PREP: variants seen among roughly 807,000 people sequenced by gnomAD.
PREP encodes dJ355L5.1 (prolyl endopeptidase).
In PREP, 29 loss-of-function variants were observed where a neutral mutation model predicts 87.6. That is an observed-to-expected ratio of 0.33 (90% confidence interval 0.25 to 0.45). The LOEUF (loss-of-function observed/expected upper bound fraction) is 0.45. PREP is among the 20% of genes least tolerant of loss of function. PREP has a pLI of 1.00. For synonymous variants in PREP, 337 were observed against 328.6 expected (o/e 1.03, Z -0.28); for missense variants, 695 against 886.5 (o/e 0.78, Z 2.74).
chr6:105,369,640 T>C (rs1263206058), intron 5 of PREP, among the ~76,000 whole-genome samples: 2 of 152,192 alleles, frequency 1.3e-5, no homozygotes, highest in African/African-American at 2.4e-5. Context: ...GAGAGCCTAG[T>C]AGCCTTTTTA....
chr6:105,355,360 G>A (rs1047941768), intron 6 of PREP, among the ~76,000 whole-genome samples: 3 of 151,982 alleles, frequency 2.0e-5, no homozygotes, highest in African/African-American at 4.8e-5. Flanking sequence ...GTGCCACTGC[G>A]CCCAGCCAAG....
chr6:105,283,047 G>C (rs1408582941), intron 12 of PREP, among the ~76,000 whole-genome samples: 1 of 152,234 alleles, frequency 6.6e-6, no homozygotes, highest in African/African-American at 2.4e-5. Context: ...GAAGACGGAG[G>C]TGGAAGCGCT....
At chr6:105,398,685 G>A (rs568593553) in intron 1 of PREP, among the ~76,000 whole-genome samples, 2 of 152,230 alleles carry the variant, frequency 1.3e-5, no homozygotes, top group South Asian at 2.1e-4. Context: ...CCTGGCCTTA[G>A]AAGCCACTTG....
chr6:105,298,473 G>T, intron 10 of PREP: 2 of 153,828 alleles, frequency 1.3e-5, no homozygotes, highest in South Asian at 4.0e-4. Context: ...TGCCAGCAAA[G>T]GGGAGGTCCC....
At chr6:105,395,931 C>A (rs559119882) in intron 2 of PREP, among the ~76,000 whole-genome samples, 1 of 152,330 alleles carries the variant, frequency 6.6e-6, no homozygotes, top group Non-Finnish European at 1.5e-5. Context: ...ATGTGACTCT[C>A]CACTCCCAGA....
chr6:105,378,019 C>G (rs1484572636), intron 2 of PREP, among the ~76,000 whole-genome samples: 1 of 152,204 alleles, frequency 6.6e-6, no homozygotes, highest in African/African-American at 2.4e-5. Flanking sequence ...TATTCAGCAC[C>G]TGGCCATCCC....
intron 10 of PREP, among the ~76,000 whole-genome samples, chr6:105,314,948 C>T (rs983357377): frequency 6.6e-6 from 1 of 152,150 alleles, no homozygotes; most frequent in Non-Finnish European, 1.5e-5. Flanking sequence ...GGTATAAACA[C>T]AACATTCATC....
At chr6:105,392,171 T>C (rs1430763539) in intron 2 of PREP, among the ~76,000 whole-genome samples, 1 of 150,114 alleles carries the variant, frequency 6.7e-6, no homozygotes, top group Non-Finnish European at 1.5e-5. Context: ...CAGCCTTCCC[T>C]GGGACCACAG....
chr6:105,336,690 G>C (rs970690071), intron 7 of PREP, among the ~76,000 whole-genome samples: 7 of 152,118 alleles, frequency 4.6e-5, no homozygotes, highest in Non-Finnish European at 8.8e-5. Flanking sequence ...TTTCTCATTA[G>C]CTATGTGATG....
chr6:105,315,503 T>C (rs1015961549), intron 10 of PREP, among the ~76,000 whole-genome samples: 1 of 152,076 alleles, frequency 6.6e-6, no homozygotes, highest in Non-Finnish European at 1.5e-5. Context: ...CCCTAGGATT[T>C]TAAGAATGGT....
At chr6:105,400,685 G>C (rs952352765) in intron 1 of PREP, among the ~76,000 whole-genome samples, 2 of 152,128 alleles carry the variant, frequency 1.3e-5, no homozygotes, top group East Asian at 1.9e-4. Context: ...TTTCCTGATA[G>C]CAACTCTCTT....
intron 6 of PREP, 38 bp from the exon 7 acceptor site, chr6:105,353,115 G>C (rs1413436568): frequency 1.0e-5 from 15 of 1,474,508 alleles, no homozygotes; most frequent in Non-Finnish European, 1.3e-5. Flanking sequence ...GGACTAATTA[G>C]AATTTATTTT....
At chr6:105,316,638 T>G (rs1397235072) in intron 10 of PREP, among the ~76,000 whole-genome samples, 1 of 152,176 alleles carries the variant, frequency 6.6e-6, no homozygotes, top group East Asian at 1.9e-4. Flanking sequence ...TATGCCTGTA[T>G]GACATAAATA....
chr6:105,360,424 G>A lies in PREP; in HGVS notation c.718-7347C>T, dbSNP rs183536824. Among the ~76,000 whole-genome samples, 622 of 152,262 alleles carry A rather than the reference G, an allele frequency of 4.1e-3. 11 individuals carry two copies. Among genetic ancestry groups the A allele is most frequent in the Admixed American group, 0.036 (557 of 15,300 alleles). On this transcript the variant is annotated intron_variant, in intron 6 of 14. Transcript: ENST00000652536. ...AGTCTTGGCTTCTACTTTTGAAGACGAAACCCAGTAACAGCTATCATTCTA... is the reference window on the plus strand; with the variant it reads ...AGTCTTGGCTTCTACTTTTGAAGACAAAACCCAGTAACAGCTATCATTCTA...
At chr6:105,337,137 G>C (rs1337672394) in intron 7 of PREP, among the ~76,000 whole-genome samples, 1 of 152,108 alleles carries the variant, frequency 6.6e-6, no homozygotes, top group African/African-American at 2.4e-5. Flanking sequence ...CTAGGAATCT[G>C]ATCATTTGAC....
At chr6:105,340,329 G>C (rs1230748349) in intron 7 of PREP, among the ~76,000 whole-genome samples, 1 of 152,124 alleles carries the variant, frequency 6.6e-6, no homozygotes, top group African/African-American at 2.4e-5. Context: ...ATCCTTTACA[G>C]ACAGACAAAC....
chr6:105,327,947 AT>A (rs199891428), intron 9 of PREP, among the ~76,000 whole-genome samples: 7 of 150,362 alleles, frequency 4.7e-5, no homozygotes, highest in Non-Finnish European at 7.4e-5. Context: ...AATGTGACCA[AT>A]TTTTTTTTTA....
intron 6 of PREP, among the ~76,000 whole-genome samples, chr6:105,355,327 T>A (rs1772068589): frequency 6.6e-6 from 1 of 152,116 alleles, no homozygotes; most frequent in Non-Finnish European, 1.5e-5. Flanking sequence ...CTCAAGGTGA[T>A]CCACCCATCT....
At chr6:105,296,136 G>A (rs1437924342) in intron 10 of PREP, among the ~76,000 whole-genome samples, 2 of 152,184 alleles carry the variant, frequency 1.3e-5, no homozygotes, top group East Asian at 3.8e-4. Flanking sequence ...TGCCTCATCA[G>A]CAGTGGATGT....
Sources: gnomAD v4.1 joint callset for allele counts (sites outside exome capture counted in the v4.1 genomes callset) on GRCh38, gnomAD v4.1.1 for gene constraint, MANE v1.5 for transcripts, NCBI Gene and HGNC (gene_info 2026-07-23, HGNC 2026-07-21) for gene names.